Variants in RPN2 observed in about 807,000 individuals in gnomAD.
RPN2 encodes dolichyl-diphosphooligosaccharide--protein glycosyltransferase subunit 2.
RPN2 carries 29 observed loss-of-function variants against 71.4 expected under a neutral mutation model. The ratio of observed to expected loss-of-function variants is 0.41; its 90% confidence interval spans 0.30 to 0.55. RPN2 has a LOEUF of 0.55. Ranked by LOEUF, RPN2 falls within the 20% of genes least tolerant of loss-of-function variation. The probability of loss-of-function intolerance (pLI) is 0.35; values close to 1 mark genes in which losing one functional copy is unlikely to be tolerated. For missense variants in RPN2, 726 were observed against 774.1 expected, an observed-to-expected ratio of 0.94 and a Z score of 0.74; for synonymous variants, 308 against 305.0, an observed-to-expected ratio of 1.01 and a Z score of -0.10.
At chr20:37,206,200 C>T (rs540342821) in intron 6 of RPN2, among the ~76,000 whole-genome samples, 2 of 152,256 alleles carry the variant, frequency 1.3e-5, no homozygotes, top group South Asian at 4.1e-4. Flanking sequence ...TTTTAGGTTC[C>T]ACTTTTTTAA....
chr20:37,197,964 T>C (rs548210209), intron 2 of RPN2, among the ~76,000 whole-genome samples: 1 of 152,350 alleles, frequency 6.6e-6, no homozygotes, highest in Admixed American at 6.5e-5. Context: ...CCAGTAAAGT[T>C]GGAATCAGAA....
At chr20:37,238,908 C>T (rs946510302) in intron 16 of RPN2, 26 of 484,868 alleles carry the variant, frequency 5.4e-5, no homozygotes, top group Admixed American at 3.2e-4. Flanking sequence ...ACATTGTGGT[C>T]TGGGGAGACT....
At chr20:37,207,608 A>G (rs1295601547) in intron 7 of RPN2, among the ~76,000 whole-genome samples, 159 bp downstream of exon 7, 2 of 152,236 alleles carry the variant, frequency 1.3e-5, no homozygotes, top group African/African-American at 2.4e-5. Flanking sequence ...AAATGGAGAC[A>G]TGACCACTCG....
chr20:37,202,564 C>T (rs1033813169), intron 4 of RPN2, among the ~76,000 whole-genome samples: 1 of 152,120 alleles, frequency 6.6e-6, no homozygotes. Context: ...CTCTCCTCTC[C>T]CAGTTTCACC....
chr20:37,230,555 G>C (rs2068213042), intron 13 of RPN2, among the ~76,000 whole-genome samples: 1 of 152,168 alleles, frequency 6.6e-6, no homozygotes, highest in African/African-American at 2.4e-5. Context: ...GCTTTGAAAT[G>C]TTTCTAAAGC....
intron 2 of RPN2, among the ~76,000 whole-genome samples, chr20:37,195,529 G>A (rs1345552298): frequency 6.6e-6 from 1 of 152,152 alleles, no homozygotes; most frequent in Middle Eastern, 3.2e-3. Context: ...TAATGCCTCA[G>A]TTTTCTTACC....
At chr20:37,183,244 T>A (rs547793449) in intron 1 of RPN2, among the ~76,000 whole-genome samples, 4 of 152,110 alleles carry the variant, frequency 2.6e-5, no homozygotes, top group Non-Finnish European at 5.9e-5. Context: ...AGACGGAGTT[T>A]TGCTCTTGTC....
chr20:37,220,245 T>C (rs773147320), intron 9 of RPN2, among the ~76,000 whole-genome samples: 1 of 151,984 alleles, frequency 6.6e-6, no homozygotes, highest in African/African-American at 2.4e-5. Flanking sequence ...ACCTTTGCCG[T>C]ATATGCAACT....
chr20:37,179,546 A>G lies in RPN2; in HGVS notation c.13+177A>G, dbSNP rs904930245. The G allele has an allele frequency of 5.1e-6, 7 of 1,385,928 alleles. No homozygotes were observed. The South Asian group carries it at 8.3e-5, about 16-fold the overall frequency. The allele number at this position is 1,385,928 out of a possible 1,614,324, so 85.9% of individuals were successfully genotyped here. A position where few individuals can be genotyped will look rare whatever the true frequency, so the allele number is the denominator to read the frequency against. ...CGAAGGAGGGCTGCGAGCTGGTGGG[A>G]GTGCCCGCGACCTGGCGGGGTTGGT... is the stretch of plus-strand genomic sequence containing the variant. On this transcript the variant is annotated intron_variant, in intron 1 of 16. Coordinates refer to ENST00000237530, the MANE Select transcript of RPN2 (RefSeq NM_002951.5).
At position 37,230,055 on chromosome 20, in the gene RPN2, T is replaced by C; in HGVS notation, c.1577T>C (p.Ile526Thr). The C allele has an allele frequency of 1.9e-6, 3 of 1,613,186 alleles. No homozygotes were observed. The highest frequency in any genetic ancestry group is 2.5e-6 in the Non-Finnish European group (3 of 1,179,122). ...SQNLFTPKQE[I>T]QHLFREPEKR... ...AACCTTTTCACTCCAAAACAGGAAA[T>C]TCAGGTATATCCCAAAGGGCCTATC... The change falls in exon 13 of 17, where the codon ATT (isoleucine) becomes ACT (threonine). Residue 526 changes from isoleucine (I) to threonine (T), a missense_variant. By Grantham distance (89) the Ile-to-Thr change is moderately conservative. Coordinates refer to ENST00000237530, the MANE Select transcript of RPN2 (RefSeq NM_002951.5).
At chr20:37,222,240 A>G (rs2067976609) in intron 9 of RPN2, among the ~76,000 whole-genome samples, 1 of 152,164 alleles carries the variant, frequency 6.6e-6, no homozygotes, top group East Asian at 1.9e-4. Context: ...CTGATGGGCC[A>G]TCGTCCCTCC....
At chr20:37,217,382 T>C (rs2067837774) in intron 9 of RPN2, among the ~76,000 whole-genome samples, 1 of 151,688 alleles carries the variant, frequency 6.6e-6, no homozygotes, top group Non-Finnish European at 1.5e-5. Flanking sequence ...AACCTCCGCC[T>C]CCTGGGTTCA....
At chr20:37,211,763 A>C (rs2067676216) in intron 8 of RPN2, among the ~76,000 whole-genome samples, 1 of 146,880 alleles carries the variant, frequency 6.8e-6, no homozygotes, top group Non-Finnish European at 1.5e-5. Context: ...ATGGAGTTTT[A>C]CTCTTGTTGC....
chr20:37,216,569 C>T (rs2067810839), intron 9 of RPN2, among the ~76,000 whole-genome samples: 1 of 151,968 alleles, frequency 6.6e-6, no homozygotes, highest in Non-Finnish European at 1.5e-5. Flanking sequence ...TCAAGCGATT[C>T]TCCTGCCTCA....
chr20:37,198,458 C>T lies in RPN2; in HGVS notation c.269C>T (p.Ala90Val), dbSNP rs112328971. ...DPSNVDSLFY[A>V]AQASQALSGC... ...AGCAATGTGGATTCCCTCTTCTACGCTGCCCAGGCCAGCCAGGCCCTCTCA... is the reference window on the plus strand; with the variant it reads ...AGCAATGTGGATTCCCTCTTCTACGTTGCCCAGGCCAGCCAGGCCCTCTCA... The change falls in exon 3 of 17, where the codon GCT becomes GTT. Residue 90 changes from alanine (A) to valine (V), a missense_variant. Ala to Val is a moderately conservative substitution (Grantham distance 64). Coordinates refer to ENST00000237530, the MANE Select transcript of RPN2 (RefSeq NM_002951.5). 6.2e-7 allele frequency: 1 copy of T among 1,614,124 alleles called. No homozygotes were observed. Among genetic ancestry groups the T allele is most frequent in the Non-Finnish European group, 8.5e-7 (1 of 1,180,042 alleles).
chr20:37,223,599 A>G (rs1184599578), intron 9 of RPN2, among the ~76,000 whole-genome samples: 2 of 151,638 alleles, frequency 1.3e-5, no homozygotes, highest in Non-Finnish European at 2.9e-5. Flanking sequence ...AGGACACATG[A>G]AAAGATTTAC....
At chr20:37,209,909 C>T in intron 7 of RPN2, 138 bp from the exon 8 acceptor site, 2 of 1,465,910 alleles carry the variant, frequency 1.4e-6, no homozygotes, top group Non-Finnish European at 1.8e-6. Context: ...GCAGCAGGCC[C>T]AAGGTCAGCC....
intron 16 of RPN2, among the ~76,000 whole-genome samples, chr20:37,237,849 A>G (rs1351848044): frequency 6.6e-6 from 1 of 152,120 alleles, no homozygotes; most frequent in African/African-American, 2.4e-5. Flanking sequence ...CAGGGAGCCA[A>G]AAGACTGCTC....
At chr20:37,229,184 T>C (rs568831090) in intron 12 of RPN2, among the ~76,000 whole-genome samples, 16 of 152,346 alleles carry the variant, frequency 1.1e-4, no homozygotes, top group Non-Finnish European at 2.1e-4. Context: ...ATGTGCAAAA[T>C]GCTAATTAAC....
Sources: allele counts gnomAD v4.1 joint callset (sites outside exome capture counted in the v4.1 genomes callset), GRCh38; gene constraint gnomAD v4.1.1; transcripts MANE v1.5; gene names NCBI Gene and HGNC (gene_info 2026-07-23, HGNC 2026-07-21).